SGCD: variants seen among roughly 807,000 people sequenced by gnomAD.
SGCD encodes the protein delta-sarcoglycan.
SGCD carries 18 observed loss-of-function variants against 36.6 expected under a neutral mutation model. The observed-to-expected ratio is 0.49, with a 90% CI of 0.34 to 0.73. The LOEUF (loss-of-function observed/expected upper bound fraction) is 0.73, where lower values mean the gene tolerates loss of function less well. SGCD is among the 30% of genes least tolerant of loss of function. The probability of loss-of-function intolerance (pLI) is 0.01; values close to 1 mark genes in which losing one functional copy is unlikely to be tolerated. For synonymous variants in SGCD, 133 were observed against 130.6 expected, an observed-to-expected ratio of 1.02 and a Z score of -0.12; for missense variants, 387 against 346.7, an observed-to-expected ratio of 1.12 and a Z score of -0.92.
chr5:156,337,401 C>G (rs1387994420), intron 2 of SGCD, among the ~76,000 whole-genome samples: 1 of 152,158 alleles, frequency 6.6e-6, no homozygotes, highest in Non-Finnish European at 1.5e-5. Context: ...AGCCATCAGT[C>G]TTGCTGTATT....
At position 156,759,468 on chromosome 5, in the gene SGCD, C is replaced by T; in HGVS notation, c.*78C>T. ...AGACACTGGCTGCCAGCTATTTTTA[C>T]TAGAACACAGAAAGCCTATCAAAGA... On this transcript the variant is annotated 3_prime_UTR_variant, in exon 9 of 9. Coordinates refer to ENST00000337851, the MANE Select transcript of SGCD (RefSeq NM_000337.6). 9.9e-7 allele frequency: 1 copy of T among 1,011,852 alleles called. No homozygotes were observed. The highest frequency in any genetic ancestry group is 1.6e-5 in the African/African-American group (1 of 62,242). 62.7% of individuals were successfully genotyped at this position (1,011,852 alleles called of 1,614,324 possible).
intron 1 of SGCD, among the ~76,000 whole-genome samples, chr5:156,025,779 G>A (rs866176006): frequency 2.0e-5 from 3 of 152,126 alleles, no homozygotes; most frequent in Non-Finnish European, 2.9e-5. Context: ...TCTCAATGTC[G>A]GGAAAGAGCA....
At chr5:156,196,972 T>A (rs971942797) in intron 3 of SGCD, among the ~76,000 whole-genome samples, 1 of 152,162 alleles carries the variant, frequency 6.6e-6, no homozygotes, top group African/African-American at 2.4e-5. Context: ...GCCTTTGCAC[T>A]TAGTTTATTA....
intron 7 of SGCD, among the ~76,000 whole-genome samples, chr5:156,691,375 A>C (rs150850290): frequency 6.6e-6 from 1 of 152,266 alleles, no homozygotes; most frequent in East Asian, 1.9e-4. Context: ...TGTGGCTGCT[A>C]TACTGGACCA....
chr5:156,418,139 A>T (rs1228522294), intron 3 of SGCD, among the ~76,000 whole-genome samples: 2 of 152,188 alleles, frequency 1.3e-5, no homozygotes, highest in African/African-American at 2.4e-5. Flanking sequence ...GGTACTTCTG[A>T]TAAGCAGTTA....
chr5:156,742,722 C>T (rs1171431044), intron 7 of SGCD, among the ~76,000 whole-genome samples: 1 of 152,128 alleles, frequency 6.6e-6, no homozygotes, highest in Non-Finnish European at 1.5e-5. Context: ...CAGTTCATGT[C>T]AGAAGGACTG....
chr5:155,753,891 T>A, the SGCD span, among the ~76,000 whole-genome samples: 2 of 152,206 alleles, frequency 1.3e-5, no homozygotes, highest in African/African-American at 4.8e-5. Context: ...TTGACCCATG[T>A]CACATTTAAT....
At chr5:155,847,118 G>A in the SGCD span, among the ~76,000 whole-genome samples, 1 of 152,180 alleles carries the variant, frequency 6.6e-6, no homozygotes, top group Non-Finnish European at 1.5e-5. Flanking sequence ...GGCCATGTGT[G>A]TGCTCTGTTT....
chr5:156,081,230 T>G (rs537550847), intron 1 of SGCD, among the ~76,000 whole-genome samples: 100 of 152,232 alleles, frequency 6.6e-4, no homozygotes, highest in African/African-American at 2.4e-3. Context: ...ACTTATCTCA[T>G]GAGTAGTCAC....
intron 3 of SGCD, among the ~76,000 whole-genome samples, chr5:156,307,487 A>G (rs1767248103): frequency 6.6e-6 from 1 of 151,348 alleles, no homozygotes; most frequent in Non-Finnish European, 1.5e-5. Context: ...TTTACATTTC[A>G]AGTAATTGCT....
At chr5:156,297,251 C>A (rs1223359488) in intron 3 of SGCD, among the ~76,000 whole-genome samples, 1 of 152,000 alleles carries the variant, frequency 6.6e-6, no homozygotes, top group East Asian at 1.9e-4. Context: ...GGATCTAGAA[C>A]TGGAAATACC....
chr5:155,868,754 G>T (rs1273473539), upstream of SGCD, among the ~76,000 whole-genome samples: 1 of 152,170 alleles, frequency 6.6e-6, no homozygotes, highest in African/African-American at 2.4e-5. Context: ...TAGCTGAAAT[G>T]GATAAGAATG....
At chr5:155,982,540 G>C (rs748657060) in intron 1 of SGCD, among the ~76,000 whole-genome samples, 78 of 152,114 alleles carry the variant, frequency 5.1e-4, no homozygotes, top group Non-Finnish European at 1.8e-4. Context: ...TCTGGACACT[G>C]TCCCTCGCTG....
At position 156,558,125 on chromosome 5, in the gene SGCD, T is replaced by TATATA. The variant is rs56304932; in HGVS notation, c.295-31104_295-31103insATAAT. Among the ~76,000 whole-genome samples the TATATA allele has an allele frequency of 3.8e-3, 407 of 107,736 alleles. 6 individuals carry two copies. The highest frequency in any genetic ancestry group is 4.9e-3 in the African/African-American group (121 of 24,932). 70.7% of individuals were successfully genotyped at this position (107,736 alleles called of 152,430 possible). On this transcript the variant is annotated intron_variant, in intron 4 of 8. Coordinates refer to ENST00000337851, the MANE Select transcript of SGCD (RefSeq NM_000337.6). ...TATATATATATATATATATATATATTATTTAACTCTCTTTTAAAGGCAGTT... is the reference window on the plus strand; with the variant it reads ...TATATATATATATATATATATATATTATATAATTTAACTCTCTTTTAAAGGCAGTT...
At chr5:156,305,554 G>A (rs1767183228) in intron 3 of SGCD, among the ~76,000 whole-genome samples, 3 of 152,164 alleles carry the variant, frequency 2.0e-5, no homozygotes, top group Admixed American at 6.5e-5. Context: ...CTCTGTTAGG[G>A]CAGTGCAGAA....
intron 3 of SGCD, among the ~76,000 whole-genome samples, chr5:156,243,270 C>T (rs1157532900): frequency 6.6e-6 from 1 of 152,162 alleles, no homozygotes; most frequent in Non-Finnish European, 1.5e-5. Flanking sequence ...ATGCGGGTGC[C>T]TGGTGGAAGC....
At chr5:155,822,025 A>G in the SGCD span, among the ~76,000 whole-genome samples, 1 of 152,218 alleles carries the variant, frequency 6.6e-6, no homozygotes, top group African/African-American at 2.4e-5. Flanking sequence ...ACTTCATCAT[A>G]CACTAATGAG....
At chr5:155,830,814 C>T in the SGCD span, among the ~76,000 whole-genome samples, 5 of 152,126 alleles carry the variant, frequency 3.3e-5, no homozygotes, top group African/African-American at 1.2e-4. Flanking sequence ...AGTTCTTCCC[C>T]CTGATATTAC....
At chr5:156,023,579 C>T (rs1164674963) in intron 1 of SGCD, among the ~76,000 whole-genome samples, 1 of 152,182 alleles carries the variant, frequency 6.6e-6, no homozygotes, top group African/African-American at 2.4e-5. Context: ...TAGCACTAGT[C>T]ACTTCTCTCA....
Sources: gnomAD v4.1 joint callset for allele counts (sites outside exome capture counted in the v4.1 genomes callset) on GRCh38, gnomAD v4.1.1 for gene constraint, MANE v1.5 for transcripts, NCBI Gene and HGNC (gene_info 2026-07-23, HGNC 2026-07-21) for gene names.